Variants in SELP observed in about 807,000 individuals in gnomAD.
SELP encodes P-selectin.
SELP carries 92 observed loss-of-function variants against 104.1 expected under a neutral mutation model. That is an observed-to-expected ratio of 0.88 (90% CI 0.75 to 1.05). SELP has a LOEUF of 1.05. SELP is among the 50% of genes least tolerant of loss of function. The pLI is 0.00. For synonymous variants in SELP, 397 were observed against 364.5 expected (o/e 1.09, Z -1.01); for missense variants, 1,022 against 1,017.3 (o/e 1.00, Z -0.06).
chr1:169,620,045 A>G (rs1663014165), intron 1 of SELP, among the ~76,000 whole-genome samples: 1 of 151,990 alleles, frequency 6.6e-6, no homozygotes, highest in Non-Finnish European at 1.5e-5. Flanking sequence ...TACTAAAAGT[A>G]CATTAAAAAA....
chr1:169,602,723 T>A (rs918732801), intron 10 of SELP, among the ~76,000 whole-genome samples: 1 of 152,192 alleles, frequency 6.6e-6, no homozygotes, highest in African/African-American at 2.4e-5. Context: ...GCGATTCTCC[T>A]GCCTCAGCCT....
At chr1:169,607,279 A>G (rs1445423972) in intron 8 of SELP, 145 bp from the exon 9 acceptor site, 2 of 589,360 alleles carry the variant, frequency 3.4e-6, no homozygotes, top group African/African-American at 3.8e-5. Context: ...GTGTCATTTA[A>G]TTATAACGGC....
chr1:169,606,816 A>T (rs965061813), intron 9 of SELP, 133 bp downstream of exon 9: 1 of 785,304 alleles, frequency 1.3e-6, no homozygotes. Context: ...GGACAAGAGG[A>T]TGAGTGAGAG....
At chr1:169,615,470 A>C (rs964004843) in intron 3 of SELP, among the ~76,000 whole-genome samples, 11 of 152,104 alleles carry the variant, frequency 7.2e-5, no homozygotes, top group African/African-American at 2.4e-4. Flanking sequence ...TTTTTTTGGC[A>C]AGCTTTATTG....
intron 14 of SELP, 149 bp downstream of exon 14, chr1:169,593,456 T>A: frequency 1.6e-6 from 1 of 616,818 alleles, no homozygotes; most frequent in Non-Finnish European, 2.7e-6. Context: ...TCAAGATCAC[T>A]TATCTTGGCT....
rs1194549318 is a variant in SELP, at chr1:169,596,145, A to G, written c.1892-11T>C. 4 of 1,612,412 alleles carry G rather than the reference A, an allele frequency of 2.5e-6. No homozygotes were observed. Among genetic ancestry groups the G allele is most frequent in the East Asian group, 2.2e-5 (1 of 44,866 alleles). On this transcript the variant is annotated splice_polypyrimidine_tract_variant and intron_variant, in intron 11 of 16. Transcript: ENST00000263686. Reference sequence around the variant, plus strand: ...GAAGTGATGCTATGCCTGTTGTGAGAAAATGTTTCCATTCAGAGACCTCCC... The same window carrying G: ...GAAGTGATGCTATGCCTGTTGTGAGGAAATGTTTCCATTCAGAGACCTCCC...
At chr1:169,624,177 A>C (rs1663264474) in intron 1 of SELP, among the ~76,000 whole-genome samples, 6 of 152,122 alleles carry the variant, frequency 3.9e-5, no homozygotes. Flanking sequence ...TTTCCTCTGA[A>C]ACCTGCTTGG....
intron 13 of SELP, 115 bp from the exon 14 acceptor site, chr1:169,593,839 C>A: frequency 2.9e-6 from 3 of 1,029,058 alleles, no homozygotes; most frequent in South Asian, 1.7e-5. Flanking sequence ...AGTAGGATCA[C>A]CAAAGGTCCT....
intron 1 of SELP, among the ~76,000 whole-genome samples, chr1:169,623,641 T>C (rs1460675826): frequency 1.3e-5 from 2 of 152,178 alleles, no homozygotes; most frequent in Non-Finnish European, 2.9e-5. Flanking sequence ...GAAAGGAAAA[T>C]GCAAGTCAGT....
intron 1 of SELP, among the ~76,000 whole-genome samples, chr1:169,621,720 T>C (rs773801396): frequency 6.6e-6 from 1 of 152,206 alleles, no homozygotes; most frequent in Non-Finnish European, 1.5e-5. Context: ...TAGGCATATT[T>C]TGTGTTCTTA....
intron 1 of SELP, among the ~76,000 whole-genome samples, chr1:169,627,809 A>C (rs573376074): frequency 3.9e-5 from 6 of 152,372 alleles, no homozygotes; most frequent in African/African-American, 1.4e-4. Flanking sequence ...GGTAATGAAA[A>C]GAAGAGTAAG....
intron 1 of SELP, among the ~76,000 whole-genome samples, chr1:169,620,341 G>A (rs951221249): frequency 4.6e-5 from 7 of 150,600 alleles, no homozygotes; most frequent in Non-Finnish European, 8.8e-5. Context: ...CAGTAGCAGA[G>A]CTTGACTTTG....
At chr1:169,615,136 C>A (rs1012855098) in intron 3 of SELP, among the ~76,000 whole-genome samples, 1 of 152,174 alleles carries the variant, frequency 6.6e-6, no homozygotes, top group Non-Finnish European at 1.5e-5. Context: ...ATGAATAAAT[C>A]TTTTTTCGAT....
intron 10 of SELP, among the ~76,000 whole-genome samples, chr1:169,600,834 A>C: frequency 6.6e-6 from 1 of 152,188 alleles, no homozygotes; most frequent in East Asian, 1.9e-4. Flanking sequence ...AAATGCAAAA[A>C]CCAGGGCTCA....
chr1:169,626,059 A>T lies in SELP; in HGVS notation c.3+4013T>A, dbSNP rs548304247. Reference sequence around the variant, plus strand: ...AGTGGAGAGAAGAATGACTGCAAGAAACCAGCCAGTGAGAAGCAGGAAGAA... The same window carrying T: ...AGTGGAGAGAAGAATGACTGCAAGATACCAGCCAGTGAGAAGCAGGAAGAA... On this transcript the variant is annotated intron_variant, in intron 1 of 16. Transcript: ENST00000263686. Among the ~76,000 whole-genome samples, 7 of 152,358 alleles carry T rather than the reference A, an allele frequency of 4.6e-5. 1 individual carries two copies. In the South Asian group the frequency reaches 1.5e-3, roughly 32 times the overall value.
intron 10 of SELP, among the ~76,000 whole-genome samples, chr1:169,598,438 T>C (rs1246570994): frequency 6.6e-6 from 1 of 152,222 alleles, no homozygotes; most frequent in Non-Finnish European, 1.5e-5. Flanking sequence ...GCCCATGTAT[T>C]TTTCAGTAAC....
Position 169,603,043 on chromosome 1 carries a change from G to A in SELP, c.1688C>T (p.Ser563Phe). Residue 563 changes from serine to phenylalanine, a missense_variant, in exon 10 of 17, where the codon TCC (serine) becomes TTC (phenylalanine). Ser to Phe is a radical substitution (Grantham distance 155, BLOSUM62 -2). Transcript: ENST00000263686. ...DCTRSGRWTDSPPMCEAIKCP... is the reference protein window; with the variant it reads ...DCTRSGRWTDFPPMCEAIKCP... Reference sequence around the variant, plus strand: ...CAGCCTACCTTCACACATTGGTGGGGAGTCTGTCCAGCGTCCCGATCGAGT... The same window carrying A: ...CAGCCTACCTTCACACATTGGTGGGAAGTCTGTCCAGCGTCCCGATCGAGT... 6.2e-7 allele frequency: 1 copy of A among 1,613,210 alleles called. No individual in the cohort carries two copies.
rs1301269434 is a variant in SELP at position 169,597,042 on chromosome 1, C to A, written c.1840G>T (p.Val614Leu). Residue 614 changes from valine (V) to leucine (L), a missense_variant, in exon 11 of 17, where the codon GTG becomes TTG. Physicochemically the swap from Val to Leu is conservative, Grantham distance 32. Transcript: ENST00000263686. Reference sequence around the variant, plus strand: ...CATCTTCCAGAAGTTGTGCATTCCACATTATTGGGCCCCTCCAGCTTAAAG... The same window carrying A: ...CATCTTCCAGAAGTTGTGCATTCCAAATTATTGGGCCCCTCCAGCTTAAAG... ...NGFKLEGPNN[V>L]ECTTSGRWSA... is the part of the protein sequence containing the mutation. 2.5e-6 allele frequency: 4 copies of A among 1,613,064 alleles called. No individual in the cohort carries two copies. The African/African-American group carries it at 4.0e-5, about 16-fold the overall frequency.
chr1:169,595,258 A>C (rs757672342), intron 12 of SELP, among the ~76,000 whole-genome samples: 7 of 152,212 alleles, frequency 4.6e-5, no homozygotes, highest in Admixed American at 1.3e-4. Context: ...TGAAATACTT[A>C]ATAAGTGTTC....
Sources: gnomAD v4.1 joint callset for allele counts (sites outside exome capture counted in the v4.1 genomes callset) on GRCh38, gnomAD v4.1.1 for gene constraint, MANE v1.5 for transcripts, NCBI Gene and HGNC (gene_info 2026-07-23, HGNC 2026-07-21) for gene names.